SUPT16H: variants seen among roughly 807,000 people sequenced by gnomAD.
SUPT16H encodes SPT16 homolog, facilitates chromatin remodeling subunit, also known as FACT complex subunit SPT16.
Under a neutral mutation model 136.2 loss-of-function variants are expected in SUPT16H, and 24 were observed. The ratio of observed to expected loss-of-function variants is 0.18; its 90% CI spans 0.13 to 0.25. SUPT16H has a LOEUF of 0.25. Among genes scored for constraint, SUPT16H ranks in the 10% least tolerant of loss-of-function variants. SUPT16H has a pLI of 1.00. For missense variants in SUPT16H, 623 were observed against 1,270.2 expected, an observed-to-expected ratio of 0.49 and a Z score of 7.74; for synonymous variants, 415 against 428.2, an observed-to-expected ratio of 0.97 and a Z score of 0.38.
At chr14:21,354,337 C>A in intron 23 of SUPT16H, 74 bp downstream of exon 23, 1 of 1,578,528 alleles carries the variant, frequency 6.3e-7, no homozygotes, top group South Asian at 1.2e-5. Context: ...ATGTACTACT[C>A]ATATTCCATT....
intron 2 of SUPT16H, among the ~76,000 whole-genome samples, chr14:21,373,098 C>G (rs1343901983): frequency 6.6e-6 from 1 of 152,128 alleles, no homozygotes; most frequent in African/African-American, 2.4e-5. Context: ...TGCACACCCC[C>G]ACATCTGCTT....
intron 1 of SUPT16H, among the ~76,000 whole-genome samples, chr14:21,375,153 C>G (rs1460433761): frequency 6.6e-6 from 1 of 152,016 alleles, no homozygotes; most frequent in African/African-American, 2.4e-5. Context: ...AGCGGGACTT[C>G]AGGTATGCAC....
intron 15 of SUPT16H, 41 bp from the exon 16 acceptor site, chr14:21,361,254 G>A: frequency 6.2e-7 from 1 of 1,608,360 alleles, no homozygotes; most frequent in Non-Finnish European, 8.5e-7. Flanking sequence ...TTCTTTTTCA[G>A]GCCAGGGAAA....
chr14:21,382,188 T>C (rs960306966), intron 1 of SUPT16H, among the ~76,000 whole-genome samples: 3 of 152,204 alleles, frequency 2.0e-5, no homozygotes, highest in Non-Finnish European at 4.4e-5. Context: ...CAAGTAAGTT[T>C]TTCATAATAG....
At chr14:21,364,614 G>A (rs61971520) in intron 10 of SUPT16H, among the ~76,000 whole-genome samples, 3,776 of 152,160 alleles carry the variant, frequency 0.025, 51 homozygotes, top group African/African-American at 0.033. Context: ...CATTATCAAG[G>A]TTCAAGCCAC....
chr14:21,381,768 C>A (rs540518469), intron 1 of SUPT16H, among the ~76,000 whole-genome samples: 1 of 144,868 alleles, frequency 6.9e-6, no homozygotes, highest in African/African-American at 2.5e-5. Context: ...CACCACCATG[C>A]CTGGTTAATT....
rs1594306033 is a variant in SUPT16H at position 21,369,825 on chromosome 14, T to C, written c.555A>G (p.Lys185=). The C allele has an allele frequency of 6.2e-7, 1 of 1,614,222 alleles. No homozygotes were observed. The highest frequency in any genetic ancestry group is 8.5e-7 in the Non-Finnish European group (1 of 1,180,026). The part of the protein sequence containing the change: ...KEDGELNLMK[K]AASITSEVFN... ...AGACTTCAGAAGTGATGCTGGCTGCTTTCTTCATTAGGTTGAGCTCCCCAT... is the reference window on the plus strand; with the variant it reads ...AGACTTCAGAAGTGATGCTGGCTGCCTTCTTCATTAGGTTGAGCTCCCCAT... The change falls in exon 5 of 26, where the codon AAA becomes AAG. Residue 185 remains lysine (K), a synonymous_variant. Transcript: ENST00000216297.
At position 21,352,009 on chromosome 14, in the gene SUPT16H, T is replaced by C. The variant is rs2139391088; in HGVS notation, c.*664A>G. ...TTGCCTTCTATCATTGTACCATGTG[T>C]GCATTGTATGGAGAAAATAACCGAG... On this transcript the variant is annotated 3_prime_UTR_variant, in exon 26 of 26. Coordinates refer to ENST00000216297, the MANE Select transcript of SUPT16H (RefSeq NM_007192.4). The C allele has an allele frequency of 6.5e-6, 1 of 153,180 alleles. No individual in the cohort carries two copies. The highest frequency in any genetic ancestry group is 6.5e-5 in the Admixed American group (1 of 15,476). The allele number at this position is 153,180 out of a possible 1,614,324, so 9.5% of individuals were successfully genotyped here.
chr14:21,358,038 CGAGA>C, intron 20 of SUPT16H, 36 bp from the exon 21 acceptor site: 6 of 1,571,472 alleles, frequency 3.8e-6, no homozygotes, highest in Non-Finnish European at 5.3e-6. Flanking sequence ...GAGCTCATCA[CGAGA>C]GAGACTGCTC....
At chr14:21,381,665 A>G (rs1410076326) in intron 1 of SUPT16H, among the ~76,000 whole-genome samples, 2 of 151,084 alleles carry the variant, frequency 1.3e-5, no homozygotes, top group South Asian at 2.1e-4. Context: ...GCTGGAGTGC[A>G]GTGATGCGAT....
Position 21,363,539 on chromosome 14 carries a change from A to G in SUPT16H, c.1234-36T>C, listed in dbSNP as rs772320068. 7 of 1,584,948 alleles carry G rather than the reference A, an allele frequency of 4.4e-6. No homozygotes were observed. The South Asian group carries it at 5.6e-5, about 13-fold the overall frequency. Reference sequence around the variant, plus strand: ...AAGGAGAATGAAGACACATTATTTAAAAGAGGCAATTTCATTTTCTAACCT... The same window carrying G: ...AAGGAGAATGAAGACACATTATTTAGAAGAGGCAATTTCATTTTCTAACCT... On this transcript the variant is annotated intron_variant, in intron 10 of 25. Transcript: ENST00000216297.
intron 18 of SUPT16H, among the ~76,000 whole-genome samples, chr14:21,360,178 C>T (rs1050189794): frequency 2.0e-4 from 31 of 152,268 alleles, no homozygotes; most frequent in African/African-American, 7.2e-4. Context: ...CAGGCGCTGG[C>T]CACTACGCCT....
intron 20 of SUPT16H, 77 bp downstream of exon 20, chr14:21,358,235 AATT>A (rs1267919324): frequency 2.1e-6 from 2 of 943,936 alleles, no homozygotes; most frequent in African/African-American, 1.7e-5. Context: ...TGATATGTTA[AATT>A]ATTATTAAAG....
At chr14:21,370,303 C>T (rs1181286174) in intron 4 of SUPT16H, 33 bp downstream of exon 4, 4 of 1,602,782 alleles carry the variant, frequency 2.5e-6, no homozygotes, top group Non-Finnish European at 3.4e-6. Flanking sequence ...GTCTTCTCAA[C>T]TCTTGATTTG....
Position 21,383,966 on chromosome 14 carries a change from C to T in SUPT16H, c.-39G>A. On this transcript the variant is annotated 5_prime_UTR_variant, in exon 1 of 26. It adds an upstream start codon to the 5' untranslated region. Transcript: ENST00000216297. ...GCTTCTCCTCGGGTTCCGAGAATCA[C>T]GCGAGGTCCCGGCTCAGCCACCCGC... 1.2e-6 allele frequency: 2 copies of T among 1,611,554 alleles called. No homozygotes were observed. The highest frequency in any genetic ancestry group is 2.2e-5 in the South Asian group (2 of 90,986).
At chr14:21,354,383 C>T in intron 23 of SUPT16H, 28 bp downstream of exon 23, 1 of 1,611,734 alleles carries the variant, frequency 6.2e-7, no homozygotes, top group Non-Finnish European at 8.5e-7. Flanking sequence ...ACACTGTGTA[C>T]CAGAAAAGAA....
chr14:21,359,340 C>T, intron 19 of SUPT16H, 144 bp downstream of exon 19: 1 of 1,127,028 alleles, frequency 8.9e-7, no homozygotes, highest in Non-Finnish European at 1.2e-6. Context: ...AGGTGATCTG[C>T]CCATGTTGGC....
chr14:21,373,797 G>A (rs184396371), intron 1 of SUPT16H, among the ~76,000 whole-genome samples: 242 of 152,056 alleles, frequency 1.6e-3, no homozygotes, highest in African/African-American at 5.2e-3. Flanking sequence ...GTGCAATCTC[G>A]GCTCACTGCA....
At position 21,358,355 on chromosome 14, in the gene SUPT16H, T is replaced by G; in HGVS notation, c.2374A>C (p.Lys792Gln). The change falls in exon 20 of 26, where the codon AAG becomes CAG. Residue 792 changes from lysine (K) to glutamine (Q), a missense_variant. By Grantham distance (53) the Lys-to-Gln change is moderately conservative. Coordinates refer to ENST00000216297, the MANE Select transcript of SUPT16H (RefSeq NM_007192.4). ...NFIEKVEALT[K>Q]EELEFEVPFR... Reference sequence around the variant, plus strand: ...GGCACTTCAAATTCCAGTTCCTCCTTAGTTAGAGCCTCTACTTTCTCAATG... The same window carrying G: ...GGCACTTCAAATTCCAGTTCCTCCTGAGTTAGAGCCTCTACTTTCTCAATG... 1 of 1,613,670 alleles carries G rather than the reference T, an allele frequency of 6.2e-7. No homozygotes were observed. Among genetic ancestry groups the G allele is most frequent in the Non-Finnish European group, 8.5e-7 (1 of 1,179,882 alleles).
Sources: allele counts gnomAD v4.1 joint callset (sites outside exome capture counted in the v4.1 genomes callset), GRCh38; gene constraint gnomAD v4.1.1; transcripts MANE v1.5; gene names NCBI Gene and HGNC (gene_info 2026-07-23, HGNC 2026-07-21).